SCN7A: variants seen among roughly 807,000 people sequenced by gnomAD.
SCN7A encodes sodium voltage-gated channel alpha subunit 7.
A neutral mutation model predicts 155.2 loss-of-function variants in SCN7A; 138 were observed. The observed-to-expected ratio is 0.89, with a 90% CI of 0.77 to 1.02. The LOEUF is 1.02. Among genes scored for constraint, SCN7A ranks in the 50% least tolerant of loss-of-function variants. The probability of loss-of-function intolerance (pLI) is 0.00; values close to 1 mark genes in which losing one functional copy is unlikely to be tolerated. For missense variants in SCN7A, 2,058 were observed against 1,986.6 expected (o/e 1.04, Z -0.68); for synonymous variants, 693 against 649.0 (o/e 1.07, Z -1.03).
In SCN7A at chr2:166,417,245, G is replaced by A. The variant is rs866948823; in HGVS notation, c.3136-260C>T. 3.9e-5 allele frequency among the ~76,000 whole-genome samples: 6 copies of A among 152,052 alleles called. No homozygotes were observed. In the South Asian group the frequency reaches 8.3e-4, roughly 21 times the overall value. On this transcript the variant is annotated intron_variant, in intron 20 of 25. Coordinates refer to ENST00000643258, the MANE Select transcript of SCN7A (RefSeq NM_002976.4). ...TCCCAGCACTTTGGGAGGCTGAGGC[G>A]GGTGGATCACCAGGTCAGGAGATCA... is the stretch of plus-strand genomic sequence containing the variant.
chr2:166,439,024 T>TAC (rs71395227), intron 15 of SCN7A, among the ~76,000 whole-genome samples: 1 of 136,488 alleles, frequency 7.3e-6, no homozygotes, highest in East Asian at 2.2e-4. Context: ...TATATATACA[T>TAC]ACACACACAT....
At position 166,474,290 on chromosome 2, in the gene SCN7A, T is replaced by C. The variant is rs1702729529; in HGVS notation, c.289A>G (p.Ile97Val). ...RTIFRFNAASILCTLSPFNCI... is the reference protein window; with the variant it reads ...RTIFRFNAASVLCTLSPFNCI... Reference sequence around the variant, plus strand: ...TTGAAAGGAGACAATGTACACAAGATGGAAGCCGCATTGAATCTGAAGATT... The same window carrying C: ...TTGAAAGGAGACAATGTACACAAGACGGAAGCCGCATTGAATCTGAAGATT... Residue 97 changes from isoleucine (I) to valine (V), a missense_variant, in exon 4 of 26, where the codon ATC (isoleucine) becomes GTC (valine). Transcript: ENST00000643258. 6.5e-6 allele frequency: 10 copies of C among 1,531,032 alleles called. No homozygotes were observed. The Middle Eastern group carries it at 5.7e-4, about 87-fold the overall frequency. 94.8% of individuals were successfully genotyped at this position (1,531,032 alleles called of 1,614,324 possible). A position where few individuals can be genotyped will look rare whatever the true frequency, so the allele number is the denominator to read the frequency against.
At chr2:166,433,787 T>C (rs1701781226) in intron 15 of SCN7A, among the ~76,000 whole-genome samples, 2 of 152,068 alleles carry the variant, frequency 1.3e-5, no homozygotes, top group Admixed American at 1.3e-4. Context: ...TTTTGTGGGA[T>C]GAAAACACAG....
chr2:166,447,763 C>G, intron 11 of SCN7A, 55 bp from the exon 12 acceptor site: 1 of 1,289,088 alleles, frequency 7.8e-7, no homozygotes, highest in Non-Finnish European at 1.1e-6. Context: ...AGGTCCAAGA[C>G]TATAAGAAGG....
At chr2:166,489,828 C>CT (rs1683045183) in intron 1 of SCN7A, among the ~76,000 whole-genome samples, 1 of 152,150 alleles carries the variant, frequency 6.6e-6, no homozygotes, top group Admixed American at 6.6e-5. Flanking sequence ...CTTTCTCACT[C>CT]TGACAATTTC....
rs531374313 is a variant in SCN7A, at chr2:166,426,083, T to C, written c.2853+1705A>G. Among the ~76,000 whole-genome samples the C allele has an allele frequency of 3.5e-4, 53 of 152,256 alleles. No individual in the cohort carries two copies. In the South Asian group the frequency reaches 0.011, roughly 32 times the overall value. On this transcript the variant is annotated intron_variant, in intron 18 of 25. Transcript: ENST00000643258. ...TCTCTAGATGCTTTAGAGAGACATA[T>C]GTGCCTCCTACTCTAAGAAAGAGAT...
intron 25 of SCN7A, among the ~76,000 whole-genome samples, chr2:166,408,447 G>T (rs992503962): frequency 1.4e-4 from 21 of 151,946 alleles, no homozygotes; most frequent in African/African-American, 4.8e-4. Flanking sequence ...CTGGACCCAA[G>T]ATACCTTGCC....
chr2:166,440,390 T>C (rs1373738190), intron 15 of SCN7A, among the ~76,000 whole-genome samples: 1 of 152,180 alleles, frequency 6.6e-6, no homozygotes, highest in Non-Finnish European at 1.5e-5. Flanking sequence ...AGTGTTACAA[T>C]GTAGATTACG....
chr2:166,483,791 C>G (rs1032008384), intron 2 of SCN7A, among the ~76,000 whole-genome samples: 1 of 151,822 alleles, frequency 6.6e-6, no homozygotes, highest in African/African-American at 2.4e-5. Context: ...AAAACGTTTA[C>G]ACTTTATCCT....
At chr2:166,466,881 T>C (rs1702545871) in intron 7 of SCN7A, among the ~76,000 whole-genome samples, 1 of 152,038 alleles carries the variant, frequency 6.6e-6, no homozygotes. Context: ...ATTGTGAGAA[T>C]TGAAAACTGT....
At chr2:166,449,397 A>T (rs1702131864) in intron 11 of SCN7A, among the ~76,000 whole-genome samples, 1 of 152,128 alleles carries the variant, frequency 6.6e-6, no homozygotes, top group Non-Finnish European at 1.5e-5. Context: ...GAGGCTTGCC[A>T]ATACCCAACC....
chr2:166,412,528 A>T lies in SCN7A; in HGVS notation c.3606+2T>A. The T allele has an allele frequency of 6.8e-7, 1 of 1,465,282 alleles. No homozygotes were observed. Among genetic ancestry groups the T allele is most frequent in the South Asian group, 1.5e-5 (1 of 66,906 alleles). The allele number at this position is 1,465,282 out of a possible 1,614,324, so 90.8% of individuals were successfully genotyped here. ...GGATAAACAAATAATATTTATACTT[A>T]TCTTTATTTTATGCTTGTTGAAATT... On this transcript the variant is annotated splice_donor_variant, in intron 23 of 25. Transcript: ENST00000643258. LOFTEE classifies it high-confidence loss of function.
Position 166,444,833 on chromosome 2 carries a change from C to A in SCN7A, c.1555G>T (p.Val519Leu), listed in dbSNP as rs372565445. The A allele has an allele frequency of 3.7e-6, 6 of 1,610,856 alleles. No individual in the cohort carries two copies. Among genetic ancestry groups the A allele is most frequent in the Non-Finnish European group, 3.4e-6 (4 of 1,178,078 alleles). ...TAATGCTCCAAGGTCAGAAAACATA[C>A]GTTTAAAATTATGCATATGATAAGG... Reference protein sequence around the residue: ...LFLIICIILNVCFLTLEHYPM... With the variant: ...LFLIICIILNLCFLTLEHYPM... The change falls in exon 13 of 26, where the codon GTA (valine) becomes TTA (leucine). Residue 519 changes from valine (V) to leucine (L), a missense_variant. Physicochemically the swap from Val to Leu is conservative, Grantham distance 32. Coordinates refer to ENST00000643258, the MANE Select transcript of SCN7A (RefSeq NM_002976.4).
At chr2:166,479,810 G>A (rs1260682945) in intron 2 of SCN7A, among the ~76,000 whole-genome samples, 2 of 152,010 alleles carry the variant, frequency 1.3e-5, no homozygotes, top group Admixed American at 1.3e-4. Flanking sequence ...CAATAGCAGT[G>A]GTTTCTTATG....
chr2:166,490,936 T>A (rs182196370), intron 1 of SCN7A, among the ~76,000 whole-genome samples: 65 of 152,224 alleles, frequency 4.3e-4, no homozygotes, highest in African/African-American at 1.6e-3. Context: ...ATGATTTAGT[T>A]TTTGTCTCAC....
Position 166,475,122 on chromosome 2 carries a change from A to ATATATACATATATATATATATATATACG in SCN7A, c.235-779_235-778insCGTATATATATATATATATATGTATATA, listed in dbSNP as rs71031250. 1.3e-3 allele frequency among the ~76,000 whole-genome samples: 119 copies of ATATATACATATATATATATATATATACG among 93,850 alleles called. 4 individuals carry two copies. The highest frequency in any genetic ancestry group is 2.2e-3 in the Non-Finnish European group (99 of 45,222). The allele number at this position is 93,850 out of a possible 152,430, so 61.6% of individuals were successfully genotyped here. A position where few individuals can be genotyped will look rare whatever the true frequency, so the allele number is the denominator to read the frequency against. ...TATATATGTATATATATATATATAC[A>ATATATACATATATATATATATATATACG]TATATATATATATATACACACACAC... On this transcript the variant is annotated intron_variant, in intron 3 of 25. Coordinates refer to ENST00000643258, the MANE Select transcript of SCN7A (RefSeq NM_002976.4).
At chr2:166,426,843 T>C (rs1375685462) in intron 18 of SCN7A, among the ~76,000 whole-genome samples, 6 of 152,152 alleles carry the variant, frequency 3.9e-5, no homozygotes, top group Non-Finnish European at 7.4e-5. Context: ...GAGTTTTCAA[T>C]ATGTGTGGTA....
At chr2:166,419,245 T>A (rs1209502319) in intron 20 of SCN7A, among the ~76,000 whole-genome samples, 1 of 151,456 alleles carries the variant, frequency 6.6e-6, no homozygotes, top group Non-Finnish European at 1.5e-5. Context: ...CTTAGGGGGG[T>A]GTGTGTGTGT....
chr2:166,453,117 C>A (rs996989769), intron 11 of SCN7A, among the ~76,000 whole-genome samples: 3 of 151,964 alleles, frequency 2.0e-5, no homozygotes, highest in Admixed American at 6.6e-5. Context: ...ATTTTAATAT[C>A]TTGTTTAATA....
Sources: allele counts gnomAD v4.1 joint callset (sites outside exome capture counted in the v4.1 genomes callset), GRCh38; gene constraint gnomAD v4.1.1; transcripts MANE v1.5; gene names NCBI Gene and HGNC (gene_info 2026-07-23, HGNC 2026-07-21).